The following ASTN2 variants were observed in gnomAD, a reference collection of about 807,000 sequenced individuals.
ASTN2 encodes astrotactin 2.
A neutral mutation model predicts 139.8 loss-of-function variants in ASTN2; 54 were observed. The ratio of observed to expected loss-of-function variants is 0.39; its 90% CI spans 0.31 to 0.48. The LOEUF (loss-of-function observed/expected upper bound fraction) is 0.48. ASTN2 is among the 20% of genes least tolerant of loss of function. ASTN2 has a pLI of 0.95. For missense variants in ASTN2, 1,565 were observed against 1,725.1 expected, an observed-to-expected ratio of 0.91 and a Z score of 1.64; for synonymous variants, 756 against 719.5, an observed-to-expected ratio of 1.05 and a Z score of -0.81.
chr9:116,871,091 T>C (rs994968793), intron 10 of ASTN2, among the ~76,000 whole-genome samples: 11 of 152,036 alleles, frequency 7.2e-5, no homozygotes, highest in African/African-American at 2.4e-4. Flanking sequence ...ACCCTGTCTC[T>C]ACTAAAAATA....
intron 1 of ASTN2, among the ~76,000 whole-genome samples, chr9:117,308,209 G>A (rs1835050351): frequency 7.3e-6 from 1 of 137,054 alleles, no homozygotes; most frequent in African/African-American, 2.6e-5. Flanking sequence ...TGGATGCTGG[G>A]GCAAAATCAA....
chr9:116,510,893 A>G (rs1850346602), intron 19 of ASTN2, among the ~76,000 whole-genome samples: 1 of 152,084 alleles, frequency 6.6e-6, no homozygotes, highest in Non-Finnish European at 1.5e-5. Context: ...CAGCTTAAGG[A>G]GATTTTGGGT....
At chr9:117,001,574 G>A (rs1837191499) in intron 7 of ASTN2, among the ~76,000 whole-genome samples, 1 of 152,066 alleles carries the variant, frequency 6.6e-6, no homozygotes, top group African/African-American at 2.4e-5. Context: ...TCTCCAGAGG[G>A]TGCAGTACAA....
intron 10 of ASTN2, among the ~76,000 whole-genome samples, chr9:116,925,903 C>A (rs541063327): frequency 1.3e-5 from 2 of 151,954 alleles, no homozygotes; most frequent in African/African-American, 4.8e-5. Context: ...TATACACATG[C>A]ACACATGCAC....
chr9:116,632,988 TA>T (rs1174062950), intron 17 of ASTN2, among the ~76,000 whole-genome samples: 1 of 152,190 alleles, frequency 6.6e-6, no homozygotes, highest in Non-Finnish European at 1.5e-5. Flanking sequence ...GAATGAATAA[TA>T]AAGTCTGAGG....
intron 1 of ASTN2, among the ~76,000 whole-genome samples, chr9:117,303,602 A>T (rs1014923397): frequency 6.6e-5 from 10 of 152,138 alleles, no homozygotes; most frequent in African/African-American, 2.4e-4. Context: ...TCATTCCTCC[A>T]TGTGCCCCTG....
chr9:117,189,448 T>TC (rs1831291653), intron 3 of ASTN2, among the ~76,000 whole-genome samples: 1 of 152,058 alleles, frequency 6.6e-6, no homozygotes, highest in Non-Finnish European at 1.5e-5. Context: ...AAACGCTGCA[T>TC]CCCCCATACA....
At chr9:116,710,570 A>G (rs972942641) in intron 16 of ASTN2, among the ~76,000 whole-genome samples, 4 of 152,076 alleles carry the variant, frequency 2.6e-5, no homozygotes, top group African/African-American at 7.2e-5. Context: ...TGTCTCTACT[A>G]AAAATACAAA....
intron 5 of ASTN2, among the ~76,000 whole-genome samples, chr9:117,048,403 T>C (rs1301967580): frequency 3.3e-5 from 5 of 152,222 alleles, no homozygotes; most frequent in Admixed American, 2.6e-4. Context: ...ACTGTGCTAC[T>C]TGGAGCCAAA....
chr9:116,486,287 G>T (rs1849336461), intron 20 of ASTN2, among the ~76,000 whole-genome samples: 1 of 152,208 alleles, frequency 6.6e-6, no homozygotes, highest in Admixed American at 6.5e-5. Flanking sequence ...CTCAGCAAAT[G>T]TCTAGTGAAT....
intron 10 of ASTN2, among the ~76,000 whole-genome samples, chr9:116,959,483 C>A (rs1023464431): frequency 1.3e-5 from 2 of 151,994 alleles, no homozygotes; most frequent in Non-Finnish European, 1.5e-5. Flanking sequence ...AGCAAGTTTG[C>A]GGTTTAGATG....
intron 13 of ASTN2, among the ~76,000 whole-genome samples, chr9:116,786,097 T>C (rs1408288840): frequency 1.3e-5 from 2 of 152,154 alleles, no homozygotes; most frequent in Non-Finnish European, 2.9e-5. Flanking sequence ...CTCCTTTTGG[T>C]CCACAGAAAA....
intron 7 of ASTN2, among the ~76,000 whole-genome samples, chr9:116,983,180 A>C (rs536837652): frequency 2.6e-5 from 4 of 152,306 alleles, no homozygotes; most frequent in African/African-American, 9.6e-5. Flanking sequence ...CCCTCAGAGC[A>C]ATAAACATGG....
chr9:117,364,999 A>ACACACAC (rs1564167764), intron 1 of ASTN2, among the ~76,000 whole-genome samples: 2 of 100,496 alleles, frequency 2.0e-5, no homozygotes, highest in South Asian at 2.8e-4. Context: ...ACACACACAC[A>ACACACAC]AAATCAGCCA....
At chr9:116,527,330 A>T (rs541743813) in intron 19 of ASTN2, among the ~76,000 whole-genome samples, 1 of 152,356 alleles carries the variant, frequency 6.6e-6, no homozygotes, top group African/African-American at 2.4e-5. Flanking sequence ...AAAACTTAGT[A>T]AGAAAACAAA....
At chr9:116,642,713 T>G in intron 17 of ASTN2, among the ~76,000 whole-genome samples, 1 of 152,292 alleles carries the variant, frequency 6.6e-6, no homozygotes, top group East Asian at 1.9e-4. Flanking sequence ...AAATGCCAAA[T>G]TAACAACCCT....
At chr9:116,563,508 G>A (rs62576081) in intron 19 of ASTN2, among the ~76,000 whole-genome samples, 24,162 of 152,062 alleles carry the variant, frequency 0.16, 2,091 homozygotes, top group African/African-American at 0.21. Flanking sequence ...CACATCAGAC[G>A]CGCTTCCATC....
intron 16 of ASTN2, among the ~76,000 whole-genome samples, chr9:116,667,367 C>A (rs1428459825): frequency 6.6e-6 from 1 of 152,022 alleles, no homozygotes; most frequent in East Asian, 1.9e-4. Flanking sequence ...TTAAAAAAAA[C>A]TATCTGTTTG....
intron 13 of ASTN2, among the ~76,000 whole-genome samples, chr9:116,803,077 A>T (rs1038592726): frequency 2.0e-5 from 3 of 152,176 alleles, no homozygotes; most frequent in African/African-American, 7.2e-5. Context: ...CTATTTTTTT[A>T]AAACTTGTGT....
Sources: allele counts gnomAD v4.1 joint callset (sites outside exome capture counted in the v4.1 genomes callset), GRCh38; gene constraint gnomAD v4.1.1; transcripts MANE v1.5; gene names NCBI Gene and HGNC (gene_info 2026-07-23, HGNC 2026-07-21).